LRRC28: variants seen among roughly 807,000 people sequenced by gnomAD.
LRRC28 encodes leucine-rich repeat-containing protein 28.
A neutral mutation model predicts 45.7 loss-of-function variants in LRRC28; 39 were observed. That is an observed-to-expected ratio of 0.85 (90% confidence interval 0.66 to 1.12). The LOEUF (loss-of-function observed/expected upper bound fraction) is 1.12, where lower values mean the gene tolerates loss of function less well. Among genes scored for constraint, LRRC28 ranks in the 50% most tolerant of loss-of-function variants. LRRC28 has a pLI of 0.00. For synonymous variants in LRRC28, 206 were observed against 178.8 expected (o/e 1.15, Z -1.22); for missense variants, 435 against 438.5 (o/e 0.99, Z 0.07).
rs1002518257 is a variant in LRRC28, at chr15:99,258,016, A to G, written c.168+1891A>G. On this transcript the variant is annotated intron_variant, in intron 2 of 9. Transcript: ENST00000301981. Reference sequence around the variant, plus strand: ...ATGCTCTTTCTGGAAATGAGGAACTAACAGTCAAAATTAAGTGTGATAAGG... The same window carrying G: ...ATGCTCTTTCTGGAAATGAGGAACTGACAGTCAAAATTAAGTGTGATAAGG... 11 of 1,027,614 alleles carry G rather than the reference A, an allele frequency of 1.1e-5. No homozygotes were observed. The African/African-American group carries it at 1.3e-4, about 12-fold the overall frequency. 63.7% of individuals were successfully genotyped at this position (1,027,614 alleles called of 1,614,324 possible).
At chr15:99,374,238 GTC>G (rs1411019860) in intron 9 of LRRC28, among the ~76,000 whole-genome samples, 1 of 152,088 alleles carries the variant, frequency 6.6e-6, no homozygotes, top group Non-Finnish European at 1.5e-5. Context: ...AACATGATGC[GTC>G]TCTCCATTTA....
chr15:99,359,439 A>G (rs1485048858), intron 7 of LRRC28, among the ~76,000 whole-genome samples: 8 of 152,232 alleles, frequency 5.3e-5, no homozygotes, highest in Non-Finnish European at 1.0e-4. Context: ...AAGGCTAACA[A>G]AAGGTGATCA....
chr15:99,367,403 A>C (rs1957368904), intron 9 of LRRC28, among the ~76,000 whole-genome samples: 1 of 152,202 alleles, frequency 6.6e-6, no homozygotes, highest in Non-Finnish European at 1.5e-5. Flanking sequence ...ATCTTGCTGC[A>C]TCATAACATG....
chr15:99,369,012 A>G (rs1014059757), intron 9 of LRRC28, among the ~76,000 whole-genome samples: 6 of 152,252 alleles, frequency 3.9e-5, no homozygotes, highest in Non-Finnish European at 7.3e-5. Flanking sequence ...TCCATCCAAC[A>G]GAACACAATT....
chr15:99,356,280 T>TGAA (rs1355315403), intron 7 of LRRC28, among the ~76,000 whole-genome samples: 1 of 152,078 alleles, frequency 6.6e-6, no homozygotes, highest in Non-Finnish European at 1.5e-5. Context: ...CCCAGATTGT[T>TGAA]GAAGTGACAG....
intron 7 of LRRC28, among the ~76,000 whole-genome samples, chr15:99,354,654 C>T (rs1405366743): frequency 2.6e-5 from 4 of 152,152 alleles, no homozygotes; most frequent in Admixed American, 6.5e-5. Flanking sequence ...ATGAGCTAAG[C>T]GATGCAGTAC....
intron 5 of LRRC28, among the ~76,000 whole-genome samples, chr15:99,302,629 T>C (rs1377727640): frequency 1.3e-5 from 2 of 152,228 alleles, no homozygotes; most frequent in Non-Finnish European, 2.9e-5. Flanking sequence ...TAATTAACTT[T>C]ATTCAATGTC....
chr15:99,369,825 C>T (rs941241676), intron 9 of LRRC28, among the ~76,000 whole-genome samples: 7 of 152,138 alleles, frequency 4.6e-5, no homozygotes, highest in African/African-American at 1.2e-4. Context: ...GTAGGTAGGC[C>T]GGTAACCCAA....
intron 3 of LRRC28, among the ~76,000 whole-genome samples, chr15:99,284,099 G>A (rs1003491207): frequency 6.6e-6 from 1 of 152,162 alleles, no homozygotes; most frequent in Non-Finnish European, 1.5e-5. Flanking sequence ...GGCTATTAAG[G>A]TGCAGGTAGT....
At chr15:99,258,890 A>T (rs2081107964) in intron 2 of LRRC28, 1 of 714,118 alleles carries the variant, frequency 1.4e-6, no homozygotes. Context: ...CCGTGATACG[A>T]TGCCTAAGAA....
chr15:99,301,389 C>T (rs576714971), intron 5 of LRRC28, among the ~76,000 whole-genome samples: 1 of 152,248 alleles, frequency 6.6e-6, no homozygotes, highest in Admixed American at 6.5e-5. Flanking sequence ...TACCAACCAC[C>T]ATATCTATTT....
At chr15:99,309,914 T>G (rs1955340272) in intron 5 of LRRC28, among the ~76,000 whole-genome samples, 1 of 152,174 alleles carries the variant, frequency 6.6e-6, no homozygotes, top group Admixed American at 6.5e-5. Flanking sequence ...TTAAAGCCTT[T>G]AAAAACCATT....
intron 5 of LRRC28, among the ~76,000 whole-genome samples, chr15:99,331,527 C>T (rs1956157923): frequency 6.6e-6 from 1 of 152,182 alleles, no homozygotes; most frequent in Non-Finnish European, 1.5e-5. Context: ...AGCCTAGGAT[C>T]TCTTTCCATA....
intron 5 of LRRC28, among the ~76,000 whole-genome samples, chr15:99,303,163 T>A (rs1955045257): frequency 6.6e-6 from 1 of 152,244 alleles, no homozygotes; most frequent in Non-Finnish European, 1.5e-5. Flanking sequence ...ATCTTCAGTC[T>A]TTTTTATGGT....
At chr15:99,334,419 G>GTGT (rs1956257213) in intron 6 of LRRC28, among the ~76,000 whole-genome samples, 1 of 151,678 alleles carries the variant, frequency 6.6e-6, no homozygotes, top group South Asian at 2.1e-4. Context: ...GTGTGTGTGT[G>GTGT]TGTGTGTGTG....
At chr15:99,310,826 G>A (rs925359424) in intron 5 of LRRC28, among the ~76,000 whole-genome samples, 2 of 152,156 alleles carry the variant, frequency 1.3e-5, no homozygotes, top group African/African-American at 2.4e-5. Flanking sequence ...CACGCAATAC[G>A]GCTGTCCACT....
intron 9 of LRRC28, among the ~76,000 whole-genome samples, chr15:99,367,326 G>A (rs187561287): frequency 8.9e-4 from 136 of 152,306 alleles, no homozygotes; most frequent in African/African-American, 3.2e-3. Context: ...AAGAAAAGAG[G>A]TTTATTTGGC....
chr15:99,315,353 A>G (rs1461511358), intron 5 of LRRC28, among the ~76,000 whole-genome samples: 1 of 152,152 alleles, frequency 6.6e-6, no homozygotes, highest in African/African-American at 2.4e-5. Flanking sequence ...TGTGATAGAA[A>G]GTTTCTTGGT....
At chr15:99,311,712 A>C (rs907935319) in intron 5 of LRRC28, among the ~76,000 whole-genome samples, 3 of 152,232 alleles carry the variant, frequency 2.0e-5, no homozygotes, top group African/African-American at 7.2e-5. Context: ...AATATGCAAC[A>C]GAATCTGTAC....
Sources: allele counts gnomAD v4.1 joint callset (sites outside exome capture counted in the v4.1 genomes callset), GRCh38; gene constraint gnomAD v4.1.1; transcripts MANE v1.5; gene names NCBI Gene and HGNC (gene_info 2026-07-23, HGNC 2026-07-21).